Variants in PDZD2 observed in about 807,000 individuals in gnomAD.
PDZD2 encodes PDZ domain-containing protein 2.
Under a neutral mutation model 220.7 loss-of-function variants are expected in PDZD2, and 90 were observed. That is an observed-to-expected ratio of 0.41 (90% CI 0.34 to 0.49). The LOEUF is 0.49. PDZD2 is among the 20% of genes least tolerant of loss of function. The pLI is 0.28. For synonymous variants in PDZD2, 1,375 were observed against 1,450.5 expected (o/e 0.95, Z 1.18); for missense variants, 3,174 against 3,608.5 (o/e 0.88, Z 3.08).
intron 1 of PDZD2, among the ~76,000 whole-genome samples, chr5:31,750,491 G>A (rs369939445): frequency 6.6e-6 from 1 of 152,246 alleles, no homozygotes; most frequent in South Asian, 2.1e-4. Context: ...AGGTAGAGGA[G>A]AGGAGACAAA....
intron 2 of PDZD2, among the ~76,000 whole-genome samples, chr5:31,842,312 C>G (rs1173839535): frequency 6.6e-6 from 1 of 152,212 alleles, no homozygotes; most frequent in African/African-American, 2.4e-5. Context: ...TAGCTCACAA[C>G]ACCTCTGCGA....
At chr5:31,658,457 C>T (rs544691537) in intron 1 of PDZD2, among the ~76,000 whole-genome samples, 2 of 152,264 alleles carry the variant, frequency 1.3e-5, no homozygotes, top group Non-Finnish European at 2.9e-5. Flanking sequence ...TTGCCTGTAA[C>T]GATCATATTT....
chr5:31,900,895 G>T (rs534355115), intron 2 of PDZD2, among the ~76,000 whole-genome samples: 2 of 152,094 alleles, frequency 1.3e-5, no homozygotes, highest in Non-Finnish European at 2.9e-5. Context: ...ATGCTTAAAG[G>T]ATTTTGCTGA....
chr5:31,827,771 CT>C (rs1474879553), intron 2 of PDZD2, among the ~76,000 whole-genome samples: 1 of 151,852 alleles, frequency 6.6e-6, no homozygotes, highest in East Asian at 1.9e-4. Context: ...AAAATTTATC[CT>C]TTAAAATGTA....
chr5:32,018,812 C>T (rs1004038085), intron 6 of PDZD2, among the ~76,000 whole-genome samples: 2 of 152,208 alleles, frequency 1.3e-5, no homozygotes, highest in African/African-American at 4.8e-5. Flanking sequence ...AACTCAATGC[C>T]TTATGTCGGA....
chr5:32,071,411 C>CA lies in PDZD2; in HGVS notation c.2567dup (p.Asp857GlyfsTer6). ...ACCCCCTTGAAGAGTCCCTCTCTTG[C>CA]AAAAAAGGTGAGTCAAGGTGAACTG... is the stretch of plus-strand genomic sequence containing the variant. On this transcript the variant is annotated frameshift_variant, in exon 16 of 25. Transcript: ENST00000438447. LOFTEE classifies it high-confidence loss of function. 2 of 1,609,014 alleles carry CA rather than the reference C, an allele frequency of 1.2e-6. No homozygotes were observed. Among genetic ancestry groups the CA allele is most frequent in the South Asian group, 1.1e-5 (1 of 90,914 alleles).
At chr5:32,024,467 G>A (rs1754459293) in intron 6 of PDZD2, among the ~76,000 whole-genome samples, 2 of 152,266 alleles carry the variant, frequency 1.3e-5, no homozygotes, top group South Asian at 4.1e-4. Flanking sequence ...CAGATTACCT[G>A]AGGTCAGGAG....
Position 32,000,887 on chromosome 5 carries a change from C to T in PDZD2, c.1254+616C>T, listed in dbSNP as rs1295132141. 6.6e-6 allele frequency among the ~76,000 whole-genome samples: 1 copy of T among 152,186 alleles called. No individual in the cohort carries two copies. The highest frequency in any genetic ancestry group is 2.4e-5 in the African/African-American group (1 of 41,460). On this transcript the variant is annotated intron_variant, in intron 5 of 24. Transcript: ENST00000438447. This position sits in a 1 kb window ranked among gnomAD's most constrained non-coding sequence, Gnocchi z 4.5. ...CTGTGGATGGGCACTGGTCCATGGC[C>T]TGTTAGGAGCTGGGCTGCGCAGCAG...
At chr5:31,850,076 G>GTATATATAAGTATATATACGTGTA (rs1757924453) in intron 2 of PDZD2, among the ~76,000 whole-genome samples, 1 of 137,316 alleles carries the variant, frequency 7.3e-6, no homozygotes, top group Non-Finnish European at 1.6e-5. Context: ...ATATATATGT[G>GTATATATAAGTATATATACGTGTA]TATATATAAG....
At chr5:31,908,413 C>T (rs1742873141) in intron 2 of PDZD2, 3 of 513,790 alleles carry the variant, frequency 5.8e-6, no homozygotes, top group Non-Finnish European at 1.1e-5. Context: ...TCACGAGATC[C>T]GGGAGATCTC....
intron 18 of PDZD2, 92 bp downstream of exon 18, chr5:32,074,735 A>G: frequency 2.5e-6 from 2 of 785,904 alleles, no homozygotes; most frequent in Non-Finnish European, 4.1e-6. Flanking sequence ...GTAAGCTGCC[A>G]GTGGGAAAGG....
Position 32,089,689 on chromosome 5 carries a change from A to G in PDZD2, c.6241A>G (p.Ser2081Gly). The change falls in exon 20 of 25, where the codon AGC (serine) becomes GGC (glycine). Residue 2081 changes from serine (S) to glycine (G), a missense_variant. Coordinates refer to ENST00000438447, the MANE Select transcript of PDZD2 (RefSeq NM_178140.4). Reference protein sequence around the residue: ...TGEKGGNIMASDRLERTNQLK... With the variant: ...TGEKGGNIMAGDRLERTNQLK... ...CGAAAAAGGAGGCAACATAATGGCCAGCGATCGCCTCGAAAGAACAAACCA... is the reference window on the plus strand; with the variant it reads ...CGAAAAAGGAGGCAACATAATGGCCGGCGATCGCCTCGAAAGAACAAACCA... 1 of 1,614,204 alleles carries G rather than the reference A, an allele frequency of 6.2e-7. No homozygotes were observed. The highest frequency in any genetic ancestry group is 1.3e-5 in the African/African-American group (1 of 75,070).
intron 1 of PDZD2, among the ~76,000 whole-genome samples, chr5:31,788,430 C>A (rs1330210747): frequency 6.6e-6 from 1 of 152,082 alleles, no homozygotes; most frequent in Admixed American, 6.5e-5. Context: ...CTTTGGGAGG[C>A]CAAGGCGGGC....
chr5:31,899,631 TG>T (rs1741903819), intron 2 of PDZD2, among the ~76,000 whole-genome samples: 1 of 152,240 alleles, frequency 6.6e-6, no homozygotes. Context: ...TCACTGAATG[TG>T]TTTACTATGA....
At position 32,069,197 on chromosome 5, in the gene PDZD2, C is replaced by T. The variant is rs543819813; in HGVS notation, c.2452-372C>T. Among the ~76,000 whole-genome samples, 22 of 143,544 alleles carry T rather than the reference C, an allele frequency of 1.5e-4. No individual in the cohort carries two copies. In the East Asian group the frequency reaches 1.9e-3, roughly 12 times the overall value. The allele number at this position is 143,544 out of a possible 152,430, so 94.2% of individuals were successfully genotyped here. ...AGGAGAATCACTTGAACCTGGGAGG[C>T]GGAGGTTGCAGCGAGCCAAGATCAA... is the stretch of plus-strand genomic sequence containing the variant. On this transcript the variant is annotated intron_variant, in intron 14 of 24. Transcript: ENST00000438447.
At chr5:31,972,336 A>C (rs144814224) in intron 2 of PDZD2, among the ~76,000 whole-genome samples, 1 of 150,918 alleles carries the variant, frequency 6.6e-6, no homozygotes, top group Non-Finnish European at 1.5e-5. Flanking sequence ...CTGATCTTGA[A>C]CTCCTGAGTT....
rs1561215446 is a variant in PDZD2, at chr5:31,967,966, A to C, written c.477-15189A>C. Among the ~76,000 whole-genome samples, 3 of 152,248 alleles carry C rather than the reference A, an allele frequency of 2.0e-5. No individual in the cohort carries two copies. In the East Asian group the frequency reaches 5.8e-4, roughly 29 times the overall value. On this transcript the variant is annotated intron_variant, in intron 2 of 24. Transcript: ENST00000438447. The stretch of plus-strand genomic sequence containing the variant: ...AATAAAATGCAGTTGATATGATTGC[A>C]TGGTAACATGAATATATTAGCATAC...
intron 2 of PDZD2, among the ~76,000 whole-genome samples, chr5:31,980,758 T>G (rs1183813815): frequency 6.6e-6 from 1 of 151,824 alleles, no homozygotes; most frequent in African/African-American, 2.4e-5. Flanking sequence ...GGTTCAATTT[T>G]TATTTTTGAG....
At chr5:31,979,926 G>C (rs148803890) in intron 2 of PDZD2, among the ~76,000 whole-genome samples, 1 of 152,160 alleles carries the variant, frequency 6.6e-6, no homozygotes. Flanking sequence ...TGTTAAGACC[G>C]TTCTTAGGTA....
Sources: allele counts gnomAD v4.1 joint callset (sites outside exome capture counted in the v4.1 genomes callset), GRCh38; gene constraint gnomAD v4.1.1; non-coding constraint Gnocchi (gnomAD v3.1); transcripts MANE v1.5; gene names NCBI Gene and HGNC (gene_info 2026-07-23, HGNC 2026-07-21).